CMTM4: variants seen among roughly 807,000 people sequenced by gnomAD.
The protein encoded by CMTM4 is CKLF-like MARVEL transmembrane domain-containing protein 4.
In CMTM4, 8 loss-of-function variants were observed where a neutral mutation model predicts 19.0. That is an observed-to-expected ratio of 0.42 (90% CI 0.25 to 0.76). The LOEUF (loss-of-function observed/expected upper bound fraction) is 0.76. Ranked by LOEUF, CMTM4 falls within the 30% of genes least tolerant of loss-of-function variation. The probability of loss-of-function intolerance (pLI) is 0.27; values close to 1 mark genes in which losing one functional copy is unlikely to be tolerated. For synonymous variants in CMTM4, 106 were observed against 121.1 expected (o/e 0.88, Z 0.82); for missense variants, 228 against 290.2 (o/e 0.79, Z 1.56).
intron 1 of CMTM4, among the ~76,000 whole-genome samples, chr16:66,677,452 T>G (rs1375037818): frequency 1.3e-5 from 2 of 152,252 alleles, no homozygotes; most frequent in Non-Finnish European, 2.9e-5. Context: ...CCAGCCAGGC[T>G]GAGGCTGGCA....
chr16:66,602,546 T>C, the CMTM4 span, among the ~76,000 whole-genome samples: 878 of 151,860 alleles, frequency 5.8e-3, 11 homozygotes, highest in African/African-American at 0.021. Context: ...TCTTCTTCTT[T>C]TTTCTTTCAT....
chr16:66,612,519 C>A, downstream of CMTM4: 1 of 1,394,322 alleles, frequency 7.2e-7, no homozygotes, highest in Non-Finnish European at 1.0e-6. This position sits in a 1 kb window ranked among gnomAD's most constrained non-coding sequence, Gnocchi z 6.0. Context: ...CAGGCTCCTG[C>A]CAGCAACCCA....
At chr16:66,632,404 A>G (rs72790457) in intron 2 of CMTM4, among the ~76,000 whole-genome samples, 6,676 of 152,258 alleles carry the variant, frequency 0.044, 271 homozygotes, top group East Asian at 0.16. Flanking sequence ...GTTTAGCTGG[A>G]AAATACACAT....
chr16:66,638,347 C>G (rs1005368678), intron 1 of CMTM4, among the ~76,000 whole-genome samples: 6 of 152,278 alleles, frequency 3.9e-5, no homozygotes, highest in African/African-American at 1.4e-4. Context: ...TGTCTTCAGG[C>G]GAATGGAAGA....
intron 1 of CMTM4, among the ~76,000 whole-genome samples, chr16:66,689,367 A>G (rs1252772273): frequency 6.6e-6 from 1 of 152,150 alleles, no homozygotes; most frequent in Non-Finnish European, 1.5e-5. Flanking sequence ...GAATTTTGTC[A>G]AAAGTTTTTT....
chr16:66,623,513 A>C lies in CMTM4; in HGVS notation c.364-11T>G. 1 of 1,572,000 alleles carries C rather than the reference A, an allele frequency of 6.4e-7. No individual in the cohort carries two copies. The highest frequency in any genetic ancestry group is 8.7e-7 in the Non-Finnish European group (1 of 1,152,784). ...AGTGTTGACCAAATCCTAAAGGGAG[A>C]GACAAAATAAACCAAGTGAAAAGAA... is the stretch of plus-strand genomic sequence containing the variant. On this transcript the variant is annotated splice_polypyrimidine_tract_variant and intron_variant, in intron 2 of 3. Coordinates refer to ENST00000394106, the MANE Select transcript of CMTM4 (RefSeq NM_181521.3).
At chr16:66,627,051 G>C (rs569597207) in intron 2 of CMTM4, among the ~76,000 whole-genome samples, 26 of 152,092 alleles carry the variant, frequency 1.7e-4, no homozygotes, top group Admixed American at 5.9e-4. Flanking sequence ...TGCAGTGAGC[G>C]GAGACTGCGC....
chr16:66,604,692 C>A, the CMTM4 span: 1 of 825,652 alleles, frequency 1.2e-6, no homozygotes, highest in Non-Finnish European at 1.6e-6. Flanking sequence ...GGGATGCGCC[C>A]CTGCGCGAGC....
At chr16:66,623,254 C>T in intron 3 of CMTM4, 150 bp downstream of exon 3, 1 of 575,928 alleles carries the variant, frequency 1.7e-6, no homozygotes, top group South Asian at 2.3e-5. Context: ...AACCACAGCA[C>T]TGAAGGGACT....
intron 2 of CMTM4, among the ~76,000 whole-genome samples, chr16:66,626,912 C>G (rs1318417465): frequency 6.6e-6 from 1 of 151,884 alleles, no homozygotes; most frequent in Non-Finnish European, 1.5e-5. Flanking sequence ...CCAGCCTGGG[C>G]AACACAGCAA....
chr16:66,696,632 C>T lies in CMTM4; in HGVS notation c.-107G>A. The T allele has an allele frequency of 1.7e-6, 1 of 599,622 alleles. No homozygotes were observed. The highest frequency in any genetic ancestry group is 2.1e-6 in the Non-Finnish European group (1 of 480,082). 37.1% of individuals were successfully genotyped at this position (599,622 alleles called of 1,614,324 possible). A position where few individuals can be genotyped will look rare whatever the true frequency, so the allele number is the denominator to read the frequency against. ...CGCCGCCGCCGCCGCCGCCGCCGCC[C>T]GACTGACTGCCCGCGGCCCGCCCGC... On this transcript the variant is annotated 5_prime_UTR_variant, in exon 1 of 4. Transcript: ENST00000394106. This position sits in a 1 kb window ranked among gnomAD's most constrained non-coding sequence, Gnocchi z 4.3.
intron 1 of CMTM4, among the ~76,000 whole-genome samples, chr16:66,666,038 C>T (rs564019390): frequency 2.0e-5 from 3 of 151,598 alleles, no homozygotes; most frequent in Non-Finnish European, 4.4e-5. Context: ...CACCACTGCA[C>T]TCCAGCCTGG....
At chr16:66,624,597 T>A (rs1233326878) in intron 2 of CMTM4, among the ~76,000 whole-genome samples, 3 of 152,172 alleles carry the variant, frequency 2.0e-5, no homozygotes, top group African/African-American at 7.2e-5. Context: ...TGAAACCCCA[T>A]CTCTACTAAA....
rs886743877 is a variant in CMTM4, at chr16:66,683,534, G to A, written c.186+12806C>T. Among the ~76,000 whole-genome samples, 4 of 151,458 alleles carry A rather than the reference G, an allele frequency of 2.6e-5. No homozygotes were observed. The East Asian group carries it at 7.8e-4, about 30-fold the overall frequency. On this transcript the variant is annotated intron_variant, in intron 1 of 3. Coordinates refer to ENST00000394106, the MANE Select transcript of CMTM4 (RefSeq NM_181521.3). ...TCTCGATCTCCTGACCTCGTGATCCGCCTGCCTCGGTCTCCCAAAGTGCTG... is the reference window on the plus strand; with the variant it reads ...TCTCGATCTCCTGACCTCGTGATCCACCTGCCTCGGTCTCCCAAAGTGCTG...
chr16:66,610,608 T>C (rs573626626), downstream of CMTM4, among the ~76,000 whole-genome samples: 18 of 150,734 alleles, frequency 1.2e-4, no homozygotes, highest in African/African-American at 3.4e-4. The surrounding 1 kb of genome is among the most constrained non-coding windows in gnomAD (Gnocchi z 4.6). Flanking sequence ...AGTAGAGGAG[T>C]GTGCAGGCAG....
chr16:66,611,535 G>C (rs1322933670), downstream of CMTM4, among the ~76,000 whole-genome samples: 5 of 152,170 alleles, frequency 3.3e-5, no homozygotes, highest in African/African-American at 9.7e-5. Context: ...CTGGGGTTTA[G>C]GGACTAGGCT....
chr16:66,658,225 G>C (rs1486108859), intron 1 of CMTM4, among the ~76,000 whole-genome samples: 1 of 134,444 alleles, frequency 7.4e-6, no homozygotes, highest in South Asian at 2.9e-4. Context: ...GGTAGGGAGG[G>C]AGGGAAGGAG....
At chr16:66,606,499 G>C in the CMTM4 span, among the ~76,000 whole-genome samples, 8 of 151,416 alleles carry the variant, frequency 5.3e-5, no homozygotes, top group Non-Finnish European at 7.4e-5. Context: ...AAATGGGGGT[G>C]CTCTGGGGAC....
In CMTM4 at chr16:66,621,927, T is replaced by C; in HGVS notation, c.*131A>G. 1 of 1,446,456 alleles carries C rather than the reference T, an allele frequency of 6.9e-7. No homozygotes were observed. The highest frequency in any genetic ancestry group is 9.1e-7 in the Non-Finnish European group (1 of 1,099,562). 89.6% of individuals were successfully genotyped at this position (1,446,456 alleles called of 1,614,324 possible). On this transcript the variant is annotated 3_prime_UTR_variant, in exon 4 of 4. Coordinates refer to ENST00000394106, the MANE Select transcript of CMTM4 (RefSeq NM_181521.3). ...CCACTGGGCCACTCGGGAAACCCTT[T>C]CCCAAAATGAACTTTTACCAAAGAG...
Sources: allele counts gnomAD v4.1 joint callset (sites outside exome capture counted in the v4.1 genomes callset), GRCh38; gene constraint gnomAD v4.1.1; non-coding constraint Gnocchi (gnomAD v3.1); transcripts MANE v1.5; gene names NCBI Gene and HGNC (gene_info 2026-07-23, HGNC 2026-07-21).